The following TOX variants were observed in gnomAD, a reference collection of about 807,000 sequenced individuals.
TOX encodes the protein thymocyte selection associated high mobility group box.
Under a neutral mutation model 53.7 loss-of-function variants are expected in TOX, and 11 were observed. That is an observed-to-expected ratio of 0.20 (90% CI 0.13 to 0.34). TOX has a LOEUF of 0.34. TOX is among the 10% of genes least tolerant of loss of function. The pLI is 1.00. For missense variants in TOX, 570 were observed against 664.6 expected, an observed-to-expected ratio of 0.86 and a Z score of 1.56; for synonymous variants, 225 against 245.3, an observed-to-expected ratio of 0.92 and a Z score of 0.77.
chr8:59,097,478 C>T (rs1586017814), intron 1 of TOX, among the ~76,000 whole-genome samples: 2 of 152,314 alleles, frequency 1.3e-5, no homozygotes. Flanking sequence ...CAATAAAATA[C>T]TGCCGTTAAT....
chr8:58,847,576 C>T (rs1810738757), intron 4 of TOX, among the ~76,000 whole-genome samples: 2 of 151,840 alleles, frequency 1.3e-5, no homozygotes, highest in Admixed American at 1.3e-4. Context: ...AGAATAACAG[C>T]ATGAGAAGGG....
chr8:59,015,548 A>G (rs778734378), intron 1 of TOX, among the ~76,000 whole-genome samples: 20 of 152,238 alleles, frequency 1.3e-4, no homozygotes, highest in Non-Finnish European at 2.6e-4. Context: ...TAATCTTTCT[A>G]GAACTGATTT....
At chr8:58,888,096 T>A (rs993830996) in intron 3 of TOX, among the ~76,000 whole-genome samples, 2 of 152,062 alleles carry the variant, frequency 1.3e-5, no homozygotes, top group South Asian at 2.1e-4. Flanking sequence ...GATTTGTGTA[T>A]CTAAACATAG....
At chr8:59,013,558 G>A (rs919584059) in intron 1 of TOX, among the ~76,000 whole-genome samples, 4 of 151,870 alleles carry the variant, frequency 2.6e-5, no homozygotes, top group Non-Finnish European at 5.9e-5. Flanking sequence ...CTACAGCCAC[G>A]AGCCACCATG....
intron 5 of TOX, among the ~76,000 whole-genome samples, chr8:58,831,451 C>T (rs1810453064): frequency 6.6e-6 from 1 of 152,130 alleles, no homozygotes; most frequent in Non-Finnish European, 1.5e-5. Flanking sequence ...CTAATTCTTT[C>T]AATAAAAATG....
rs550900047 is a variant in TOX at position 58,883,917 on chromosome 8, T to C, written c.412-32112A>G. On this transcript the variant is annotated intron_variant, in intron 3 of 8. Transcript: ENST00000361421. ...TGTGTGAATCTTCATTTATCTTTTA[T>C]GACAAGAGTGCAAAGGTTGTGGTTT... is the stretch of plus-strand genomic sequence containing the variant. 3.9e-5 allele frequency among the ~76,000 whole-genome samples: 6 copies of C among 152,268 alleles called. No homozygotes were observed. In the East Asian group the frequency reaches 1.2e-3, roughly 29 times the overall value.
intron 1 of TOX, among the ~76,000 whole-genome samples, chr8:59,026,780 A>G (rs960630277): frequency 1.3e-5 from 2 of 152,174 alleles, no homozygotes; most frequent in Non-Finnish European, 2.9e-5. Flanking sequence ...GTATTTAACA[A>G]ATGACAATTT....
At chr8:58,975,898 C>G (rs972281164) in intron 1 of TOX, among the ~76,000 whole-genome samples, 11 of 152,048 alleles carry the variant, frequency 7.2e-5, no homozygotes, top group African/African-American at 2.7e-4. Context: ...ATGGTGAAAC[C>G]CCGTCTCTAC....
intron 3 of TOX, among the ~76,000 whole-genome samples, chr8:58,874,048 C>T (rs959613309): frequency 1.5e-5 from 2 of 129,614 alleles, no homozygotes; most frequent in Non-Finnish European, 1.6e-5. Flanking sequence ...TGGGTCCTAT[C>T]ATTAATCATA....
intron 1 of TOX, among the ~76,000 whole-genome samples, chr8:58,962,936 G>A (rs1446075137): frequency 6.6e-6 from 1 of 152,206 alleles, no homozygotes; most frequent in Non-Finnish European, 1.5e-5. Context: ...CCATGAGGGT[G>A]TTTCTGAGCG....
At chr8:59,008,023 C>T (rs961591407) in intron 1 of TOX, among the ~76,000 whole-genome samples, 17 of 152,208 alleles carry the variant, frequency 1.1e-4, no homozygotes, top group Admixed American at 8.5e-4. Flanking sequence ...AATTTGAAGT[C>T]ATGATAGTTT....
chr8:58,903,931 T>C (rs1013814400), intron 3 of TOX, among the ~76,000 whole-genome samples: 3 of 152,192 alleles, frequency 2.0e-5, no homozygotes, highest in Non-Finnish European at 4.4e-5. Context: ...GTGCCATATA[T>C]GCATTTCTAA....
intron 1 of TOX, among the ~76,000 whole-genome samples, chr8:59,029,879 T>C (rs1279386187): frequency 6.6e-6 from 1 of 152,208 alleles, no homozygotes; most frequent in Non-Finnish European, 1.5e-5. Flanking sequence ...ATTTTTCTCA[T>C]GGCAGAATCC....
chr8:58,940,488 C>T (rs890488593), intron 2 of TOX, among the ~76,000 whole-genome samples: 11 of 152,038 alleles, frequency 7.2e-5, no homozygotes, highest in African/African-American at 1.7e-4. Flanking sequence ...AATCAAACAT[C>T]GTTACCAATT....
intron 1 of TOX, among the ~76,000 whole-genome samples, chr8:59,109,397 C>T (rs1162535321): frequency 6.6e-6 from 1 of 152,112 alleles, no homozygotes; most frequent in Non-Finnish European, 1.5e-5. Context: ...GTGGAATTAA[C>T]TGACTCGAGG....
chr8:58,968,177 A>G (rs1812937469), intron 1 of TOX, among the ~76,000 whole-genome samples: 1 of 152,232 alleles, frequency 6.6e-6, no homozygotes, highest in Non-Finnish European at 1.5e-5. Context: ...ATATTGTTTA[A>G]GAAAAGAATA....
intron 1 of TOX, among the ~76,000 whole-genome samples, chr8:59,101,586 T>G (rs1281274845): frequency 6.6e-6 from 1 of 152,194 alleles, no homozygotes; most frequent in African/African-American, 2.4e-5. Flanking sequence ...CAAAATGTGT[T>G]AAATATGAGG....
At chr8:58,925,238 GCATTA>G (rs754193448) in intron 3 of TOX, among the ~76,000 whole-genome samples, 42 of 152,186 alleles carry the variant, frequency 2.8e-4, no homozygotes, top group Non-Finnish European at 4.7e-4. Flanking sequence ...TGGATAAAAA[GCATTA>G]CTTTGCAAAT....
chr8:59,048,984 A>T (rs939777476), intron 1 of TOX, among the ~76,000 whole-genome samples: 1 of 152,180 alleles, frequency 6.6e-6, no homozygotes, highest in African/African-American at 2.4e-5. Flanking sequence ...TTACTCAAAG[A>T]CATTTAAAAT....
Sources: gnomAD v4.1 joint callset for allele counts (sites outside exome capture counted in the v4.1 genomes callset) on GRCh38, gnomAD v4.1.1 for gene constraint, MANE v1.5 for transcripts, NCBI Gene and HGNC (gene_info 2026-07-23, HGNC 2026-07-21) for gene names.